STK32B: variants seen among roughly 807,000 people sequenced by gnomAD.
The protein encoded by STK32B is serine/threonine kinase 32B, also known as serine/threonine-protein kinase 32B.
Under a neutral mutation model 52.6 loss-of-function variants are expected in STK32B, and 43 were observed. The ratio of observed to expected loss-of-function variants is 0.82; its 90% confidence interval spans 0.64 to 1.05. The LOEUF (loss-of-function observed/expected upper bound fraction) is 1.05. Ranked by LOEUF, STK32B falls within the 50% of genes least tolerant of loss-of-function variation. The pLI is 0.00. For missense variants in STK32B, 621 were observed against 534.6 expected, an observed-to-expected ratio of 1.16 and a Z score of -1.59; for synonymous variants, 238 against 204.3, an observed-to-expected ratio of 1.17 and a Z score of -1.41.
At chr4:5,374,739 C>T (rs959206816) in intron 4 of STK32B, among the ~76,000 whole-genome samples, 3 of 147,828 alleles carry the variant, frequency 2.0e-5, no homozygotes, top group African/African-American at 7.7e-5. Flanking sequence ...TATACTATTG[C>T]ATTGAGGCTC....
chr4:5,464,600 G>C (rs7657964), intron 9 of STK32B, among the ~76,000 whole-genome samples: 54,510 of 152,104 alleles, frequency 0.36, 10,636 homozygotes, highest in Non-Finnish European at 0.43. Context: ...ATGAACGAAT[G>C]ATGATGGCCA....
At chr4:5,087,910 G>T (rs1218908237) in intron 1 of STK32B, among the ~76,000 whole-genome samples, 5 of 151,948 alleles carry the variant, frequency 3.3e-5, no homozygotes, top group Admixed American at 3.3e-4. Context: ...TATCATCAAA[G>T]AAATCAAAGA....
intron 4 of STK32B, among the ~76,000 whole-genome samples, chr4:5,338,121 T>C (rs1245395861): frequency 6.6e-6 from 1 of 152,218 alleles, no homozygotes; most frequent in Non-Finnish European, 1.5e-5. Flanking sequence ...TTAATGCTGT[T>C]GTAACAAAAT....
At chr4:5,494,510 G>A (rs1027020159) in intron 11 of STK32B, among the ~76,000 whole-genome samples, 1 of 152,102 alleles carries the variant, frequency 6.6e-6, no homozygotes, top group Non-Finnish European at 1.5e-5. Context: ...GCACATGGAT[G>A]GCTCTTGACT....
intron 3 of STK32B, among the ~76,000 whole-genome samples, chr4:5,181,585 A>G (rs1442484169): frequency 6.6e-6 from 1 of 152,258 alleles, no homozygotes; most frequent in African/African-American, 2.4e-5. Context: ...TCAGAACACA[A>G]CAAAGCAAAT....
At chr4:5,105,586 C>T (rs1560153908) in intron 1 of STK32B, among the ~76,000 whole-genome samples, 1 of 151,596 alleles carries the variant, frequency 6.6e-6, no homozygotes, top group African/African-American at 2.4e-5. Flanking sequence ...TTTTCTGAGA[C>T]GGAGTATCGC....
At chr4:5,496,073 G>C (rs889927370) in intron 11 of STK32B, among the ~76,000 whole-genome samples, 1 of 152,220 alleles carries the variant, frequency 6.6e-6, no homozygotes, top group African/African-American at 2.4e-5. Context: ...CAGATCTCCA[G>C]CTGCATGCTG....
chr4:5,374,936 G>C (rs540927087), intron 4 of STK32B, among the ~76,000 whole-genome samples: 4 of 152,298 alleles, frequency 2.6e-5, no homozygotes, highest in Admixed American at 6.5e-5. Flanking sequence ...ATTAGCAAGC[G>C]TCCAAAGTTA....
chr4:5,079,340 A>G (rs998575800), intron 1 of STK32B, among the ~76,000 whole-genome samples: 1 of 152,198 alleles, frequency 6.6e-6, no homozygotes, highest in African/African-American at 2.4e-5. Context: ...GAAAATATAC[A>G]AGGTGAAATT....
intron 4 of STK32B, among the ~76,000 whole-genome samples, chr4:5,342,469 G>A (rs745573383): frequency 2.0e-5 from 3 of 152,084 alleles, no homozygotes; most frequent in Non-Finnish European, 4.4e-5. Flanking sequence ...CAAACACCTT[G>A]TTTTCTCACT....
At chr4:5,023,247 C>T in the STK32B span, among the ~76,000 whole-genome samples, 2 of 152,088 alleles carry the variant, frequency 1.3e-5, no homozygotes, top group Admixed American at 6.5e-5. Context: ...CTTGGAGTCC[C>T]TCGGTTTGTG....
At chr4:5,447,040 C>A in intron 7 of STK32B, 1 of 343,990 alleles carries the variant, frequency 2.9e-6, no homozygotes, top group Non-Finnish European at 5.4e-6. Context: ...AGTGACAAGT[C>A]AAACATCAAA....
chr4:5,273,867 G>A (rs1220699213), intron 3 of STK32B, among the ~76,000 whole-genome samples: 3 of 146,582 alleles, frequency 2.0e-5, no homozygotes, highest in South Asian at 2.3e-4. Flanking sequence ...GGGAGGGATA[G>A]CATTGGAAGA....
intron 1 of STK32B, among the ~76,000 whole-genome samples, chr4:5,130,421 A>G (rs1229682341): frequency 6.6e-6 from 1 of 151,934 alleles, no homozygotes; most frequent in Non-Finnish European, 1.5e-5. Context: ...TTTCATGCAC[A>G]ATGCCATGCT....
intron 6 of STK32B, among the ~76,000 whole-genome samples, chr4:5,419,385 C>G (rs1202188150): frequency 6.6e-6 from 1 of 152,132 alleles, no homozygotes; most frequent in Admixed American, 6.5e-5. Flanking sequence ...CACAGTTTTT[C>G]CTTGGGGCTT....
At chr4:5,438,380 C>T (rs183089725) in intron 6 of STK32B, among the ~76,000 whole-genome samples, 3 of 152,338 alleles carry the variant, frequency 2.0e-5, no homozygotes, top group South Asian at 2.1e-4. Context: ...CAAGTGTGAT[C>T]ACTGACTTTG....
chr4:5,276,010 C>A (rs887483371), intron 3 of STK32B, among the ~76,000 whole-genome samples: 1 of 152,012 alleles, frequency 6.6e-6, no homozygotes. Flanking sequence ...ACATTTAGGC[C>A]GGGCATGGTG....
intron 5 of STK32B, among the ~76,000 whole-genome samples, chr4:5,414,069 GA>G (rs1481103153): frequency 1.3e-5 from 2 of 152,050 alleles, no homozygotes; most frequent in African/African-American, 4.8e-5. Context: ...AGCAAAATTG[GA>G]AACAACCTGA....
Position 5,453,318 on chromosome 4 carries a change from T to C in STK32B, c.667-3489T>C, listed in dbSNP as rs886891549. On this transcript the variant is annotated intron_variant, in intron 7 of 11. Transcript: ENST00000282908. The surrounding 1 kb of genome is among the most constrained non-coding windows in gnomAD (Gnocchi z 4.0). ...GAATGACCAATAAGGAAACAGGGAA[T>C]GAAATGTAAATGATAAGAAAACATT... Among the ~76,000 whole-genome samples, 1 of 152,038 alleles carries C rather than the reference T, an allele frequency of 6.6e-6. No homozygotes were observed. The highest frequency in any genetic ancestry group is 6.5e-5 in the Admixed American group (1 of 15,274).
Sources: gnomAD v4.1 joint callset for allele counts (sites outside exome capture counted in the v4.1 genomes callset) on GRCh38, gnomAD v4.1.1 for gene constraint, Gnocchi (gnomAD v3.1) non-coding constraint, MANE v1.5 for transcripts, NCBI Gene and HGNC (gene_info 2026-07-23, HGNC 2026-07-21) for gene names.